Variants in OSR1 observed in about 807,000 individuals in gnomAD.
OSR1 encodes the protein odd-skipped related transcription factor 1.
A neutral mutation model predicts 15.7 loss-of-function variants in OSR1; 3 were observed. The ratio of observed to expected loss-of-function variants is 0.19; its 90% CI spans 0.09 to 0.50. The LOEUF (loss-of-function observed/expected upper bound fraction) is 0.50, where lower values mean the gene tolerates loss of function less well. Ranked by LOEUF, OSR1 falls within the 20% of genes least tolerant of loss-of-function variation. The probability of loss-of-function intolerance (pLI) is 0.97; values close to 1 mark genes in which losing one functional copy is unlikely to be tolerated. For synonymous variants in OSR1, 166 were observed against 152.7 expected (o/e 1.09, Z -0.64); for missense variants, 271 against 351.1 (o/e 0.77, Z 1.82).
At position 19,352,155 on chromosome 2, in the gene OSR1, G is replaced by T; in HGVS notation, c.*120C>A. 8.4e-7 allele frequency: 1 copy of T among 1,196,242 alleles called. No individual in the cohort carries two copies. The highest frequency in any genetic ancestry group is 1.2e-6 in the Non-Finnish European group (1 of 866,226). 74.1% of individuals were successfully genotyped at this position (1,196,242 alleles called of 1,614,324 possible). A position where few individuals can be genotyped will look rare whatever the true frequency, so the allele number is the denominator to read the frequency against. On this transcript the variant is annotated 3_prime_UTR_variant, in exon 3 of 3. Transcript: ENST00000272223. ...GTGCGCCAGGGACCCAGGGGACAAT[G>T]TTGGAGAGGTGGAAGGTCCCGAGCG...
At position 19,352,192 on chromosome 2, in the gene OSR1, C is replaced by T. The variant is rs759916062; in HGVS notation, c.*83G>A. ...GAAGGTCCCGAGCGAGCGCCTCTCCCGCTGCCCGCCAGAGTCAGGCTTCTG... is the reference window on the plus strand; with the variant it reads ...GAAGGTCCCGAGCGAGCGCCTCTCCTGCTGCCCGCCAGAGTCAGGCTTCTG... On this transcript the variant is annotated 3_prime_UTR_variant, in exon 3 of 3. Coordinates refer to ENST00000272223, the MANE Select transcript of OSR1 (RefSeq NM_145260.3). 8.7e-6 allele frequency: 13 copies of T among 1,494,186 alleles called. No individual in the cohort carries two copies. Among genetic ancestry groups the T allele is most frequent in the Non-Finnish European group, 1.2e-5 (13 of 1,098,158 alleles). 92.6% of individuals were successfully genotyped at this position (1,494,186 alleles called of 1,614,324 possible).
At chr2:19,347,338 C>T (rs890330126), downstream of OSR1, among the ~76,000 whole-genome samples, 1 of 152,204 alleles carries the variant, frequency 6.6e-6, no homozygotes, top group Non-Finnish European at 1.5e-5. Flanking sequence ...TTTAACTCTA[C>T]ACAAAGTGAA....
rs1664843400 is a variant in OSR1 at position 19,351,724 on chromosome 2, G to A, written c.*551C>T. ...GGCCGCCAGCTGAGCTGCAAGAGCTGGGAGGGGGCTGCCCCGCGGTCCCTA... is the reference window on the plus strand; with the variant it reads ...GGCCGCCAGCTGAGCTGCAAGAGCTAGGAGGGGGCTGCCCCGCGGTCCCTA... On this transcript the variant is annotated 3_prime_UTR_variant, in exon 3 of 3. Coordinates refer to ENST00000272223, the MANE Select transcript of OSR1 (RefSeq NM_145260.3). 6.5e-6 allele frequency: 1 copy of A among 152,696 alleles called. No homozygotes were observed. The allele number at this position is 152,696 out of a possible 1,614,324, so 9.5% of individuals were successfully genotyped here. A position where few individuals can be genotyped will look rare whatever the true frequency, so the allele number is the denominator to read the frequency against.
rs1486608015 is a variant in OSR1, at chr2:19,353,523, C to T, written c.283G>A (p.Val95Ile). ...QLPAFPWFPH[V>I]IQPKPEITAG... is the part of the protein sequence containing the mutation. ...GTGATCTCGGGCTTGGGTTGAATGA[C>T]ATGAGGGAACCAGGGAAAGGCGGGC... The change falls in exon 2 of 3, where the codon GTC becomes ATC. Residue 95 changes from valine to isoleucine, a missense_variant. By Grantham distance (29) the Val-to-Ile change is conservative. This residue lies in a region of OSR1 where 210 missense variants were observed against 218.4 expected (regional missense o/e 0.96). Transcript: ENST00000272223. The T allele has an allele frequency of 1.9e-6, 3 of 1,614,084 alleles. No homozygotes were observed. The Admixed American group carries it at 5.0e-5, about 27-fold the overall frequency.
chr2:19,346,910 T>C (rs538875867), downstream of OSR1, among the ~76,000 whole-genome samples: 1 of 152,244 alleles, frequency 6.6e-6, no homozygotes, highest in Non-Finnish European at 1.5e-5. Flanking sequence ...TCAGTCGCCA[T>C]AGGTTGTTTT....
At position 19,353,187 on chromosome 2, in the gene OSR1, T is replaced by C. The variant is rs748437826; in HGVS notation, c.619A>G (p.Ile207Val). The change falls in exon 2 of 3, where the codon ATC becomes GTC. Residue 207 changes from isoleucine to valine, a missense_variant. Transcript: ENST00000272223. ...TGCCTCCGGAAGGCTTTGTGGCAGATGTCACAGGTGTAGGGCCGCTCGTCG... is the reference window on the plus strand; with the variant it reads ...TGCCTCCGGAAGGCTTTGTGGCAGACGTCACAGGTGTAGGGCCGCTCGTCG... Reference protein sequence around the residue: ...HTDERPYTCDICHKAFRRQDH... With the variant: ...HTDERPYTCDVCHKAFRRQDH... 2.5e-6 allele frequency: 4 copies of C among 1,614,120 alleles called. No homozygotes were observed. In the African/African-American group the frequency reaches 5.3e-5, roughly 22 times the overall value.
downstream of OSR1, among the ~76,000 whole-genome samples, chr2:19,349,111 GA>G (rs1664789776): frequency 6.6e-6 from 1 of 152,212 alleles, no homozygotes; most frequent in South Asian, 2.1e-4. Context: ...TGCATTGGGG[GA>G]AAAATTGGGG....
At chr2:19,347,782 C>T (rs1408089189), downstream of OSR1, among the ~76,000 whole-genome samples, 1 of 152,242 alleles carries the variant, frequency 6.6e-6, no homozygotes, top group Non-Finnish European at 1.5e-5. Context: ...GCTCAGATCC[C>T]AGGGGCCTCT....
chr2:19,349,126 G>A (rs377118308), downstream of OSR1, among the ~76,000 whole-genome samples: 37 of 152,328 alleles, frequency 2.4e-4, no homozygotes, highest in South Asian at 6.8e-3. Context: ...ATTGGGGCAG[G>A]CAAGGAAACC....
At chr2:19,352,755 C>T (rs142308796) in intron 2 of OSR1, among the ~76,000 whole-genome samples, 290 of 152,172 alleles carry the variant, frequency 1.9e-3, no homozygotes, top group African/African-American at 6.3e-3. Context: ...AGATGGTAGC[C>T]GCTAGCATGT....
the OSR1 span, among the ~76,000 whole-genome samples, chr2:19,346,413 A>G: frequency 6.6e-6 from 1 of 152,228 alleles, no homozygotes; most frequent in Admixed American, 6.5e-5. Flanking sequence ...AGAAGTCCAC[A>G]TAAAGAACAT....
Position 19,353,730 on chromosome 2 carries a change from C to A in OSR1, c.76G>T (p.Ala26Ser). 1 of 1,614,018 alleles carries A rather than the reference C, an allele frequency of 6.2e-7. No homozygotes were observed. Among genetic ancestry groups the A allele is most frequent in the Non-Finnish European group, 8.5e-7 (1 of 1,179,974 alleles). ...GGCACTGTGGGCAGGCCGTTCACTGCCTGAAGGAAGGAGTAGTTGGTGAGC... is the reference window on the plus strand; with the variant it reads ...GGCACTGTGGGCAGGCCGTTCACTGACTGAAGGAAGGAGTAGTTGGTGAGC... ...LQLTNYSFLQ[A>S]VNGLPTVPSD... The change falls in exon 2 of 3, where the codon GCA becomes TCA. Residue 26 changes from alanine (A) to serine (S), a missense_variant. Ala to Ser is a moderately conservative substitution (Grantham distance 99). Coordinates refer to ENST00000272223, the MANE Select transcript of OSR1 (RefSeq NM_145260.3).
At chr2:19,355,638 C>T (rs926713018) in intron 1 of OSR1, 3 of 152,276 alleles carry the variant, frequency 2.0e-5, no homozygotes, top group Non-Finnish European at 2.9e-5. Flanking sequence ...CGTGATTTGC[C>T]TGCGCAGTTT....
At chr2:19,356,029 C>G (rs532340807) in intron 1 of OSR1, 1 of 152,464 alleles carries the variant, frequency 6.6e-6, no homozygotes, top group South Asian at 2.1e-4. Context: ...TCCTTATCTC[C>G]GGGTCCCGGA....
downstream of OSR1, chr2:19,346,595 T>A (rs1016297212): frequency 6.6e-5 from 10 of 152,106 alleles, no homozygotes; most frequent in African/African-American, 2.4e-4. Flanking sequence ...CAAGAGCTCG[T>A]CTCTACACAA....
downstream of OSR1, chr2:19,351,440 C>T (rs546643827): frequency 1.0e-4 from 16 of 152,536 alleles, no homozygotes; most frequent in African/African-American, 3.9e-4. Flanking sequence ...AAGAGAGGAC[C>T]CAACCGGTTT....
At chr2:19,358,197 A>G (rs1251079036) in intron 1 of OSR1, 144 bp downstream of exon 1, 1 of 152,384 alleles carries the variant, frequency 6.6e-6, no homozygotes, top group Non-Finnish European at 1.5e-5. Flanking sequence ...TCTCACTTTC[A>G]CAAAAGTCCT....
intron 1 of OSR1, chr2:19,355,693 G>C (rs908540901): frequency 6.6e-6 from 1 of 152,250 alleles, no homozygotes; most frequent in African/African-American, 2.4e-5. Flanking sequence ...TTTAGCCTCA[G>C]GGCAAGAGGA....
In OSR1 at chr2:19,353,391, C is replaced by G; in HGVS notation, c.415G>C (p.Gly139Arg). Residue 139 changes from glycine to arginine, a missense_variant, in exon 2 of 3, where the codon GGC (glycine) becomes CGC (arginine). Around this residue, in one of 4 missense-constraint regions of OSR1, gnomAD observed 210 missense variants for 218.4 expected, o/e 0.96. Coordinates refer to ENST00000272223, the MANE Select transcript of OSR1 (RefSeq NM_145260.3). The part of the protein sequence containing the change: ...EDPAKLGRGE[G>R]PGSPAGGLGA... ...AGCCCACCTGCAGGGGAGCCTGGGC[C>G]CTCCCCGCGACCGAGCTTGGCCGGA... is the stretch of plus-strand genomic sequence containing the variant. 1 of 1,614,094 alleles carries G rather than the reference C, an allele frequency of 6.2e-7. No homozygotes were observed. Among genetic ancestry groups the G allele is most frequent in the Non-Finnish European group, 8.5e-7 (1 of 1,179,998 alleles).
Sources: gnomAD v4.1 joint callset for allele counts (sites outside exome capture counted in the v4.1 genomes callset) on GRCh38, gnomAD v4.1.1 for gene constraint, gnomAD v4.1.1 regional missense constraint, MANE v1.5 for transcripts, NCBI Gene and HGNC (gene_info 2026-07-23, HGNC 2026-07-21) for gene names.